Variants in SLC14A2 observed in about 807,000 individuals in gnomAD.
SLC14A2 encodes the protein urea transporter 2.
A neutral mutation model predicts 104.6 loss-of-function variants in SLC14A2; 91 were observed. That is an observed-to-expected ratio of 0.87 (90% CI 0.73 to 1.04). SLC14A2 has a LOEUF of 1.04. Ranked by LOEUF, SLC14A2 falls within the 50% of genes least tolerant of loss-of-function variation. The pLI is 0.00. For synonymous variants in SLC14A2, 476 were observed against 466.4 expected, an observed-to-expected ratio of 1.02 and a Z score of -0.27; for missense variants, 1,189 against 1,156.0, an observed-to-expected ratio of 1.03 and a Z score of -0.41.
chr18:45,654,347 T>C (rs1299755356), intron 10 of SLC14A2, among the ~76,000 whole-genome samples: 2 of 151,976 alleles, frequency 1.3e-5, no homozygotes, highest in East Asian at 3.9e-4. Context: ...GCACCTGAAG[T>C]TGAGGACCAG....
chr18:45,530,462 T>A (rs1413730753), intron 2 of SLC14A2, among the ~76,000 whole-genome samples: 1 of 152,150 alleles, frequency 6.6e-6, no homozygotes, highest in Non-Finnish European at 1.5e-5. Flanking sequence ...CTAGACAGGT[T>A]TTCTTTTATA....
At chr18:45,347,506 C>T (rs1294638878) in intron 1 of SLC14A2, among the ~76,000 whole-genome samples, 1 of 152,122 alleles carries the variant, frequency 6.6e-6, no homozygotes, top group Non-Finnish European at 1.5e-5. Flanking sequence ...CCATTCCATC[C>T]TTCCTCTATA....
chr18:45,268,964 TTGTG>T (rs3050837), intron 1 of SLC14A2, among the ~76,000 whole-genome samples: 15 of 143,554 alleles, frequency 1.0e-4, no homozygotes, highest in African/African-American at 3.6e-4. Flanking sequence ...GTTGGTGTGT[TTGTG>T]TGTGTGTGTG....
chr18:45,298,540 C>G lies in SLC14A2; in HGVS notation c.-125+85349C>G, dbSNP rs148192298. Among the ~76,000 whole-genome samples the G allele has an allele frequency of 4.8e-3, 731 of 152,278 alleles. 8 individuals are homozygous for G. Among genetic ancestry groups the G allele is most frequent in the African/African-American group, 0.017 (691 of 41,552 alleles). On this transcript the variant is annotated intron_variant, in intron 1 of 20. Transcript: ENST00000586448. ...GCCCCTTTAGCCCACTTTCCATTCTCCAGCCCATGGCCCTAATCACTTAAT... is the reference window on the plus strand; with the variant it reads ...GCCCCTTTAGCCCACTTTCCATTCTGCAGCCCATGGCCCTAATCACTTAAT...
At chr18:45,645,253 T>A (rs1221463765) in intron 10 of SLC14A2, among the ~76,000 whole-genome samples, 2 of 152,204 alleles carry the variant, frequency 1.3e-5, no homozygotes, top group African/African-American at 2.4e-5. Context: ...ATTTTCTTCA[T>A]CCAGTCTATC....
At chr18:45,612,094 C>T (rs1321002120), upstream of SLC14A2, among the ~76,000 whole-genome samples, 2 of 152,160 alleles carry the variant, frequency 1.3e-5, no homozygotes, top group Non-Finnish European at 1.5e-5. Context: ...GAGACATATA[C>T]ATAAACAGCA....
upstream of SLC14A2, among the ~76,000 whole-genome samples, chr18:45,611,354 G>A (rs2044969297): frequency 1.3e-5 from 2 of 152,166 alleles, no homozygotes; most frequent in Admixed American, 6.5e-5. Flanking sequence ...CATCTGTGCA[G>A]GAAAAGGGGA....
At position 45,370,919 on chromosome 18, in the gene SLC14A2, G is replaced by A. The variant is rs187797451; in HGVS notation, c.-124-112314G>A. ...AAAGTCTCTTTGCATTGTCAGCCCAGATGCCCCTGTGAAGAAATAGCATGA... is the reference window on the plus strand; with the variant it reads ...AAAGTCTCTTTGCATTGTCAGCCCAAATGCCCCTGTGAAGAAATAGCATGA... On this transcript the variant is annotated intron_variant, in intron 1 of 20. Coordinates refer to the SLC14A2 transcript ENST00000586448. Among the ~76,000 whole-genome samples, 5 of 152,254 alleles carry A rather than the reference G, an allele frequency of 3.3e-5. No individual in the cohort carries two copies. In the East Asian group the frequency reaches 7.7e-4, roughly 23 times the overall value.
chr18:45,341,161 T>A (rs1382173733), intron 1 of SLC14A2, among the ~76,000 whole-genome samples: 1 of 152,232 alleles, frequency 6.6e-6, no homozygotes, highest in Non-Finnish European at 1.5e-5. Flanking sequence ...TCATATTTAT[T>A]TGTTTCTGAA....
At chr18:45,305,931 G>A (rs978853107) in intron 1 of SLC14A2, among the ~76,000 whole-genome samples, 6 of 152,032 alleles carry the variant, frequency 3.9e-5, no homozygotes, top group Non-Finnish European at 5.9e-5. Context: ...TGAACTTCTC[G>A]CCACCAAACT....
At chr18:45,671,098 C>G (rs2046126604) in intron 16 of SLC14A2, among the ~76,000 whole-genome samples, 1 of 152,156 alleles carries the variant, frequency 6.6e-6, no homozygotes, top group African/African-American at 2.4e-5. Flanking sequence ...CAATTAATAT[C>G]TTTTGGAGAC....
chr18:45,670,831 T>A (rs1236440150), intron 16 of SLC14A2, among the ~76,000 whole-genome samples: 2 of 152,166 alleles, frequency 1.3e-5, no homozygotes, highest in Admixed American at 1.3e-4. Context: ...CAGCTAATTC[T>A]TTATATTTTT....
chr18:45,197,103 C>T, the SLC14A2 span, among the ~76,000 whole-genome samples: 1 of 152,214 alleles, frequency 6.6e-6, no homozygotes, highest in Non-Finnish European at 1.5e-5. Context: ...GTGCCACACA[C>T]ATTTATCTTC....
chr18:45,593,825 G>T (rs1201537795), intron 2 of SLC14A2, among the ~76,000 whole-genome samples: 1 of 152,148 alleles, frequency 6.6e-6, no homozygotes, highest in African/African-American at 2.4e-5. Flanking sequence ...TGAATAAAAG[G>T]ATTTTTAGAA....
At chr18:45,249,304 C>T (rs1430448718) in intron 1 of SLC14A2, among the ~76,000 whole-genome samples, 3 of 148,424 alleles carry the variant, frequency 2.0e-5, no homozygotes, top group Non-Finnish European at 4.4e-5. Flanking sequence ...TTTATCTGCC[C>T]TGTATGTACA....
At chr18:45,456,782 A>G (rs188782825) in intron 1 of SLC14A2, among the ~76,000 whole-genome samples, 7 of 146,004 alleles carry the variant, frequency 4.8e-5, no homozygotes, top group Admixed American at 2.0e-4. Flanking sequence ...GACCTTTTTG[A>G]AGCATCTTAT....
intron 2 of SLC14A2, among the ~76,000 whole-genome samples, chr18:45,522,880 C>A (rs185501834): frequency 3.3e-5 from 5 of 152,252 alleles, no homozygotes; most frequent in Admixed American, 2.6e-4. Flanking sequence ...AAGTCAGAGG[C>A]CATTTTGCTG....
At chr18:45,654,158 G>A (rs2045790883) in intron 10 of SLC14A2, among the ~76,000 whole-genome samples, 1 of 151,370 alleles carries the variant, frequency 6.6e-6, no homozygotes, top group Non-Finnish European at 1.5e-5. Flanking sequence ...TGGGTGAGCT[G>A]CAGAAGGGGC....
intron 2 of SLC14A2, among the ~76,000 whole-genome samples, chr18:45,536,131 T>G (rs1374597466): frequency 6.6e-6 from 1 of 151,986 alleles, no homozygotes; most frequent in Non-Finnish European, 1.5e-5. Flanking sequence ...GGTATTGTAT[T>G]GCCTATGTGA....
Sources: gnomAD v4.1 joint callset for allele counts (sites outside exome capture counted in the v4.1 genomes callset) on GRCh38, gnomAD v4.1.1 for gene constraint, MANE v1.5 for transcripts, NCBI Gene and HGNC (gene_info 2026-07-23, HGNC 2026-07-21) for gene names.